The following LPA variants were observed in gnomAD, a reference collection of about 807,000 sequenced individuals.
LPA encodes lipoprotein(a).
A neutral mutation model predicts 197.9 loss-of-function variants in LPA; 199 were observed. The ratio of observed to expected loss-of-function variants is 1.01; its 90% confidence interval spans 0.90 to 1.13. LPA has a LOEUF of 1.13. Ranked by LOEUF, LPA falls within the 50% of genes most tolerant of loss-of-function variation. LPA has a pLI of 0.00. For missense variants in LPA, 1,853 were observed against 1,785.8 expected, an observed-to-expected ratio of 1.04 and a Z score of -0.68; for synonymous variants, 715 against 639.5, an observed-to-expected ratio of 1.12 and a Z score of -1.78.
chr6:160,547,659 C>A, intron 32 of LPA, 130 bp downstream of exon 32: 1 of 1,273,060 alleles, frequency 7.9e-7, no homozygotes, highest in Non-Finnish European at 1.1e-6. Flanking sequence ...GCCTGTGCTG[C>A]TTGCACTTTC....
At chr6:160,656,689 G>C (rs1341657297) in intron 1 of LPA, among the ~76,000 whole-genome samples, 5 of 152,304 alleles carry the variant, frequency 3.3e-5, no homozygotes, top group Middle Eastern at 3.4e-3. Flanking sequence ...AAGAGTAACA[G>C]CATAAGTTGT....
At chr6:160,596,700 T>TG (rs1489894293) in intron 20 of LPA, among the ~76,000 whole-genome samples, 1 of 152,212 alleles carries the variant, frequency 6.6e-6, no homozygotes, top group Non-Finnish European at 1.5e-5. Context: ...GCAAAGTCCT[T>TG]TAACCTCATG....
intron 21 of LPA, among the ~76,000 whole-genome samples, chr6:160,594,617 G>T (rs572963328): frequency 9.8e-5 from 15 of 152,330 alleles, no homozygotes; most frequent in African/African-American, 3.4e-4. Flanking sequence ...AAGACAAATT[G>T]TCTCTCAGAG....
intron 28 of LPA, among the ~76,000 whole-genome samples, chr6:160,571,502 C>T (rs942844384): frequency 6.6e-6 from 1 of 152,102 alleles, no homozygotes; most frequent in Non-Finnish European, 1.5e-5. Context: ...TTGCTCTGTC[C>T]CAGGGAGATG....
intron 21 of LPA, 33 bp from the exon 22 acceptor site, chr6:160,594,150 A>G (rs758990812): frequency 5.0e-6 from 8 of 1,612,912 alleles, no homozygotes; most frequent in Non-Finnish European, 6.8e-6. Context: ...CAAGCTGAGT[A>G]ATTTCTAGAA....
In LPA at chr6:160,600,948, C is replaced by G; in HGVS notation, c.3096G>C (p.Leu1032=). 1.2e-6 allele frequency: 2 copies of G among 1,613,220 alleles called. No individual in the cohort carries two copies. Among genetic ancestry groups the G allele is most frequent in the Non-Finnish European group, 1.7e-6 (2 of 1,179,968 alleles). The change falls in exon 19 of 39, where the codon CTG becomes CTC. Residue 1032 remains leucine (L), a synonymous_variant. Transcript: ENST00000316300. ...CAAAAAAAGCCTCTAGGCTTGGAGCCAGAATAACATTCGGAGGGACGAAGG... is the reference window on the plus strand; with the variant it reads ...CAAAAAAAGCCTCTAGGCTTGGAGCGAGAATAACATTCGGAGGGACGAAGG... ...WTAFVPPNVI[L]APSLEAFFEQ...
In LPA at chr6:160,555,445, A is replaced by ATATATATATATATC. The variant is rs1401084586; in HGVS notation, c.4973+579_4973+580insGATATATATATATA. On this transcript the variant is annotated intron_variant, in intron 30 of 38. Transcript: ENST00000316300. The stretch of plus-strand genomic sequence containing the variant: ...GCATGTTTCCCTAGAACATATATAT[A>ATATATATATATATC]TATATATATATGTGTGTGTATATAT... 7.0e-5 allele frequency among the ~76,000 whole-genome samples: 10 copies of ATATATATATATATC among 141,956 alleles called. No individual in the cohort carries two copies. In the South Asian group the frequency reaches 1.1e-3, roughly 15 times the overall value. 93.1% of individuals were successfully genotyped at this position (141,956 alleles called of 152,430 possible).
Position 160,568,138 on chromosome 6 carries a change from A to G in LPA, c.4631+8998T>C, listed in dbSNP as rs944046833. Among the ~76,000 whole-genome samples the G allele has an allele frequency of 7.9e-4, 121 of 152,208 alleles. 2 individuals carry two copies. Among genetic ancestry groups the G allele is most frequent in the Non-Finnish European group, 4.3e-4 (29 of 68,038 alleles). ...GAGGGAATCCTCCCTAACTCATTTTATGAGGCCAGCATCATCCTGATACCA... is the reference window on the plus strand; with the variant it reads ...GAGGGAATCCTCCCTAACTCATTTTGTGAGGCCAGCATCATCCTGATACCA... On this transcript the variant is annotated intron_variant, in intron 28 of 38. Coordinates refer to ENST00000316300, the MANE Select transcript of LPA (RefSeq NM_005577.4).
At position 160,531,858 on chromosome 6, in the gene LPA, C is replaced by T. The variant is rs747216386; in HGVS notation, c.5994G>A (p.Glu1998=). 9.9e-6 allele frequency: 16 copies of T among 1,614,132 alleles called. No individual in the cohort carries two copies. Among genetic ancestry groups the T allele is most frequent in the Non-Finnish European group, 1.1e-5 (13 of 1,180,010 alleles). Reference sequence around the variant, plus strand: ...CTCCTTGTAAAATGTATTTGTCCTTCTCGAAGCAAACCAGAGGCCCTCCAC... The same window carrying T: ...CTCCTTGTAAAATGTATTTGTCCTTTTCGAAGCAAACCAGAGGCCCTCCAC... ...GDSGGPLVCF[E]KDKYILQGVT... The change falls in exon 39 of 39, where the codon GAG becomes GAA. Residue 1998 remains glutamate, a synonymous_variant. Coordinates refer to ENST00000316300, the MANE Select transcript of LPA (RefSeq NM_005577.4).
At chr6:160,566,469 C>G (rs1046915450) in intron 28 of LPA, among the ~76,000 whole-genome samples, 6 of 152,198 alleles carry the variant, frequency 3.9e-5, no homozygotes, top group Non-Finnish European at 7.3e-5. Context: ...CCAGGCCTGC[C>G]TTACAAGAGC....
At chr6:160,646,960 T>C (rs62442784) in intron 2 of LPA, among the ~76,000 whole-genome samples, 30,701 of 151,120 alleles carry the variant, frequency 0.2, 3,731 homozygotes, top group East Asian at 0.42. Context: ...ACCTTTCCCA[T>C]GGAAAAGCAT....
chr6:160,634,511 A>G (rs1163474956), intron 7 of LPA, among the ~76,000 whole-genome samples: 3 of 138,364 alleles, frequency 2.2e-5, no homozygotes, highest in Admixed American at 7.1e-5. Context: ...AGTAAAGGAG[A>G]AGTCTACTAA....
intron 16 of LPA, 87 bp downstream of exon 16, chr6:160,611,475 T>G: frequency 6.4e-7 from 1 of 1,569,256 alleles, no homozygotes; most frequent in Admixed American, 1.7e-5. Flanking sequence ...ACAAGTTGAG[T>G]TCGGAGAACT....
At chr6:160,555,988 G>C (rs914429818) in intron 30 of LPA, 37 bp downstream of exon 30, 8 of 1,474,818 alleles carry the variant, frequency 5.4e-6, no homozygotes, top group Admixed American at 1.7e-5. Context: ...ACTTAAGTTG[G>C]CTGTTGCTCC....
intron 32 of LPA, among the ~76,000 whole-genome samples, chr6:160,546,266 CTG>C (rs766526160): frequency 1.8e-4 from 28 of 152,150 alleles, no homozygotes; most frequent in Non-Finnish European, 3.7e-4. Context: ...ATGTAATCAA[CTG>C]TGCCTCTGTA....
At chr6:160,598,844 C>T (rs1261688057) in intron 20 of LPA, among the ~76,000 whole-genome samples, 1 of 152,186 alleles carries the variant, frequency 6.6e-6, no homozygotes, top group African/African-American at 2.4e-5. Context: ...ATGCAAAAGG[C>T]CAACACAACA....
At chr6:160,562,719 C>A (rs1354174706) in intron 28 of LPA, among the ~76,000 whole-genome samples, 1 of 152,102 alleles carries the variant, frequency 6.6e-6, no homozygotes, top group Admixed American at 6.6e-5. Context: ...GGTTGGTAAG[C>A]TATTAATTAC....
At chr6:160,572,673 T>C (rs1004248799) in intron 28 of LPA, among the ~76,000 whole-genome samples, 1 of 152,208 alleles carries the variant, frequency 6.6e-6, no homozygotes, top group African/African-American at 2.4e-5. Flanking sequence ...GATGCTTACT[T>C]TCGCTGGATA....
At chr6:160,566,980 C>A (rs1439422618) in intron 28 of LPA, among the ~76,000 whole-genome samples, 1 of 152,154 alleles carries the variant, frequency 6.6e-6, no homozygotes, top group South Asian at 2.1e-4. Flanking sequence ...ACAGGAGCAC[C>A]TAGATTCATA....
Sources: allele counts gnomAD v4.1 joint callset (sites outside exome capture counted in the v4.1 genomes callset), GRCh38; gene constraint gnomAD v4.1.1; transcripts MANE v1.5; gene names NCBI Gene and HGNC (gene_info 2026-07-23, HGNC 2026-07-21).